The following TDRD9 variants were observed in gnomAD, a reference collection of about 807,000 sequenced individuals.
TDRD9 encodes tudor domain containing 9, also known as ATP-dependent RNA helicase TDRD9.
TDRD9 carries 124 observed loss-of-function variants against 172.6 expected under a neutral mutation model. The ratio of observed to expected loss-of-function variants is 0.72; its 90% CI spans 0.62 to 0.83. The LOEUF is 0.83. TDRD9 is among the 40% of genes least tolerant of loss of function. The pLI is 0.00. For synonymous variants in TDRD9, 619 were observed against 617.1 expected (o/e 1.00, Z -0.05); for missense variants, 1,479 against 1,714.1 (o/e 0.86, Z 2.42).
intron 1 of TDRD9, 108 bp from the exon 2 acceptor site, chr14:103,955,556 T>C: frequency 1.5e-6 from 1 of 682,704 alleles, no homozygotes; most frequent in Non-Finnish European, 2.4e-6. Flanking sequence ...CATTTGTTTA[T>C]TGACTATTTG....
At chr14:103,931,178 C>A (rs935876081) in intron 1 of TDRD9, among the ~76,000 whole-genome samples, 1 of 151,642 alleles carries the variant, frequency 6.6e-6, no homozygotes, top group Non-Finnish European at 1.5e-5. Context: ...TTGTGCCTGC[C>A]GCCCCAGCTA....
chr14:104,004,686 G>T (rs2034378883), intron 14 of TDRD9, among the ~76,000 whole-genome samples: 1 of 152,116 alleles, frequency 6.6e-6, no homozygotes, highest in Non-Finnish European at 1.5e-5. Flanking sequence ...AATAGTCTAA[G>T]TGATATAATT....
chr14:103,937,716 A>G (rs930895262), intron 1 of TDRD9, among the ~76,000 whole-genome samples: 2 of 152,154 alleles, frequency 1.3e-5, no homozygotes, highest in African/African-American at 2.4e-5. Flanking sequence ...AGAAAATACT[A>G]GTTGATGAAA....
chr14:104,010,487 T>C (rs537734624), intron 20 of TDRD9, among the ~76,000 whole-genome samples: 39 of 152,088 alleles, frequency 2.6e-4, no homozygotes, highest in South Asian at 6.2e-4. Flanking sequence ...TATCATCTCT[T>C]ACAGTATAAT....
At chr14:103,956,149 T>TA (rs1566738505) in intron 2 of TDRD9, among the ~76,000 whole-genome samples, 1 of 102,078 alleles carries the variant, frequency 9.8e-6, no homozygotes, top group African/African-American at 4.0e-5. Flanking sequence ...TATATATATA[T>TA]AATTATTAGG....
intron 13 of TDRD9, among the ~76,000 whole-genome samples, chr14:103,999,127 A>C (rs917834567): frequency 6.6e-6 from 1 of 152,134 alleles, no homozygotes; most frequent in African/African-American, 2.4e-5. Flanking sequence ...CATTTTTTGC[A>C]CTTTTTACTT....
At chr14:103,930,869 A>G (rs973954445) in intron 1 of TDRD9, among the ~76,000 whole-genome samples, 5 of 152,226 alleles carry the variant, frequency 3.3e-5, no homozygotes, top group African/African-American at 9.6e-5. Flanking sequence ...TTTAAGTGCC[A>G]TTTTAAGCAC....
intron 24 of TDRD9, among the ~76,000 whole-genome samples, chr14:104,023,220 C>T (rs992897186): frequency 1.4e-5 from 2 of 139,710 alleles, no homozygotes; most frequent in Non-Finnish European, 3.0e-5. Context: ...AAAAAGGATA[C>T]CTATGGTGTA....
rs1596042428 is a variant in TDRD9 at position 104,052,431 on chromosome 14, G to C, written c.*349G>C. The C allele has an allele frequency of 1.2e-5, 2 of 169,502 alleles. No homozygotes were observed. Among genetic ancestry groups the C allele is most frequent in the African/African-American group, 4.8e-5 (2 of 42,054 alleles). 10.5% of individuals were successfully genotyped at this position (169,502 alleles called of 1,614,324 possible). ...AGTTAATCTTAGATGTAAGGTTCCAGAATGTGCTTACATATTCTGTTCTGT... is the reference window on the plus strand; with the variant it reads ...AGTTAATCTTAGATGTAAGGTTCCACAATGTGCTTACATATTCTGTTCTGT... On this transcript the variant is annotated 3_prime_UTR_variant, in exon 36 of 36. Transcript: ENST00000409874.
At chr14:103,961,240 C>G (rs183261599) in intron 2 of TDRD9, among the ~76,000 whole-genome samples, 2 of 152,072 alleles carry the variant, frequency 1.3e-5, no homozygotes, top group Non-Finnish European at 2.9e-5. Context: ...AAAGAAAATC[C>G]CTGTTTTAGT....
intron 2 of TDRD9, among the ~76,000 whole-genome samples, chr14:103,956,559 T>C (rs2032253402): frequency 1.3e-5 from 2 of 152,332 alleles, no homozygotes; most frequent in African/African-American, 4.8e-5. Flanking sequence ...AGAGAATCGC[T>C]TGAACTGGGA....
rs567009986 is a variant in TDRD9 at position 103,949,393 on chromosome 14, A to G, written c.216-6271A>G. Among the ~76,000 whole-genome samples the G allele has an allele frequency of 4.6e-5, 7 of 152,378 alleles. No homozygotes were observed. In the South Asian group the frequency reaches 1.2e-3, roughly 27 times the overall value. ...ATGTGTAATTCATTTTGCTAGTAGA[A>G]GAATTCTTTGTAGAAGTTGGCAGAT... On this transcript the variant is annotated intron_variant, in intron 1 of 35. Transcript: ENST00000409874.
chr14:103,978,887 T>TA (rs2033361639), intron 7 of TDRD9, among the ~76,000 whole-genome samples: 1 of 152,224 alleles, frequency 6.6e-6, no homozygotes, highest in Admixed American at 6.5e-5. Flanking sequence ...CTAGCATATC[T>TA]ATTGTATCAA....
At chr14:104,040,606 G>C (rs887325659) in intron 33 of TDRD9, among the ~76,000 whole-genome samples, 1 of 152,186 alleles carries the variant, frequency 6.6e-6, no homozygotes, top group East Asian at 1.9e-4. Flanking sequence ...GCTTTTCTGG[G>C]CAATCAGCTA....
chr14:103,994,409 G>A, intron 10 of TDRD9, 23 bp downstream of exon 10: 1 of 1,610,692 alleles, frequency 6.2e-7, no homozygotes, highest in Non-Finnish European at 8.5e-7. Context: ...TGATACAGCT[G>A]TATTCTTCTA....
intron 2 of TDRD9, among the ~76,000 whole-genome samples, chr14:103,961,522 C>T (rs2032508506): frequency 6.6e-6 from 1 of 151,152 alleles, no homozygotes; most frequent in South Asian, 2.1e-4. Context: ...GAGATCGCGC[C>T]ACTGCACTCC....
chr14:104,026,279 A>G (rs1490275400), intron 27 of TDRD9, 143 bp downstream of exon 27: 1 of 620,598 alleles, frequency 1.6e-6, no homozygotes, highest in Middle Eastern at 3.7e-4. Flanking sequence ...CTTTGTCACA[A>G]TAGCCAAATT....
At chr14:103,938,494 A>C (rs1323072884) in intron 1 of TDRD9, among the ~76,000 whole-genome samples, 2 of 134,966 alleles carry the variant, frequency 1.5e-5, no homozygotes, top group Non-Finnish European at 3.1e-5. Context: ...GCTGGAGTGC[A>C]ATGGCGTGAT....
At chr14:103,977,066 A>G (rs1224484274) in intron 7 of TDRD9, among the ~76,000 whole-genome samples, 1 of 152,130 alleles carries the variant, frequency 6.6e-6, no homozygotes, top group Non-Finnish European at 1.5e-5. Flanking sequence ...ATGTGAGATA[A>G]TATCTCAATA....
Sources: allele counts gnomAD v4.1 joint callset (sites outside exome capture counted in the v4.1 genomes callset), GRCh38; gene constraint gnomAD v4.1.1; transcripts MANE v1.5; gene names NCBI Gene and HGNC (gene_info 2026-07-23, HGNC 2026-07-21).